Variants in GART observed in about 807,000 individuals in gnomAD.
GART encodes the protein trifunctional purine biosynthetic protein adenosine-3.
In GART, 43 loss-of-function variants were observed where a neutral mutation model predicts 107.2. That is an observed-to-expected ratio of 0.40 (90% CI 0.31 to 0.52). The LOEUF is 0.52. Among genes scored for constraint, GART ranks in the 20% least tolerant of loss-of-function variants. The pLI, the probability that GART is intolerant of heterozygous loss-of-function variation, is 0.52. For synonymous variants in GART, 434 were observed against 427.0 expected, an observed-to-expected ratio of 1.02 and a Z score of -0.20; for missense variants, 1,107 against 1,206.5, an observed-to-expected ratio of 0.92 and a Z score of 1.22.
Position 33,505,846 on chromosome 21 carries a change from A to C in GART, c.2583+128T>G. On this transcript the variant is annotated intron_variant, in intron 19 of 21. Transcript: ENST00000381815. ...TATTAAGAAAGGGACAGGATGAAGA[A>C]GGCAAGCCCAGCACCCACCCAAAAT... The C allele has an allele frequency of 3.6e-6, 5 of 1,408,302 alleles. No individual in the cohort carries two copies. The South Asian group carries it at 6.8e-5, about 19-fold the overall frequency. 87.2% of individuals were successfully genotyped at this position (1,408,302 alleles called of 1,614,324 possible).
upstream of GART, chr21:33,542,454 G>C (rs1383905034): frequency 6.5e-6 from 1 of 153,214 alleles, no homozygotes; most frequent in Non-Finnish European, 1.5e-5. Context: ...CCTGACTCCT[G>C]ATGAGACTAA....
chr21:33,527,878 C>A (rs898608906), intron 10 of GART, among the ~76,000 whole-genome samples: 15 of 151,994 alleles, frequency 9.9e-5, no homozygotes, highest in African/African-American at 3.4e-4. Context: ...CATTATTACC[C>A]TGGCTCTAGG....
chr21:33,530,195 A>T (rs2085157084), intron 7 of GART, among the ~76,000 whole-genome samples: 1 of 152,224 alleles, frequency 6.6e-6, no homozygotes, highest in African/African-American at 2.4e-5. Context: ...CGTCTCAAAA[A>T]ACAACAACAA....
chr21:33,506,143 ACTT>A (rs767266504), intron 18 of GART, 39 bp from the exon 19 acceptor site: 85 of 1,564,148 alleles, frequency 5.4e-5, no homozygotes, highest in Admixed American at 3.4e-4. Context: ...TCATACTACT[ACTT>A]CTTTTTTTTT....
chr21:33,540,520 T>A (rs1569040252), intron 1 of GART, among the ~76,000 whole-genome samples: 1 of 152,198 alleles, frequency 6.6e-6, no homozygotes, highest in Non-Finnish European at 1.5e-5. Context: ...AGAATATTGG[T>A]AGAGAAGGCA....
At chr21:33,524,689 T>C (rs545768645) in intron 11 of GART, 80 bp downstream of exon 11, 54 of 1,587,280 alleles carry the variant, frequency 3.4e-5, no homozygotes, top group East Asian at 1.1e-4. Flanking sequence ...GAATGACTTA[T>C]AGGGTTAATG....
At chr21:33,532,713 GGAA>G (rs1177395399) in intron 4 of GART, among the ~76,000 whole-genome samples, 2 of 152,072 alleles carry the variant, frequency 1.3e-5, no homozygotes, top group Non-Finnish European at 2.9e-5. Context: ...CAATATCTTT[GGAA>G]GAATAAGTAG....
intron 8 of GART, 112 bp downstream of exon 8, chr21:33,528,738 T>C (rs932246529): frequency 5.2e-6 from 5 of 964,104 alleles, no homozygotes; most frequent in African/African-American, 3.6e-5. Flanking sequence ...ATTTAAAAAA[T>C]GGTCCATTAA....
At chr21:33,535,144 G>A in intron 3 of GART, 81 bp downstream of exon 3, 1 of 846,672 alleles carries the variant, frequency 1.2e-6, no homozygotes. Context: ...ATTCTCATCT[G>A]TAAAATGAAT....
Position 33,525,010 on chromosome 21 carries a change from A to G in GART, c.1067-10T>C. On this transcript the variant is annotated splice_polypyrimidine_tract_variant and intron_variant, in intron 10 of 21. Transcript: ENST00000381815. ...TGAGCCTCAGGAAACCCTAGAAGAG[A>G]GCATATTTGACATATGATTTCAAAT... The G allele has an allele frequency of 6.2e-7, 1 of 1,607,504 alleles. No homozygotes were observed. Among genetic ancestry groups the G allele is most frequent in the Non-Finnish European group, 8.5e-7 (1 of 1,176,864 alleles).
At chr21:33,513,901 T>G (rs1224754204) in intron 16 of GART, among the ~76,000 whole-genome samples, 1 of 152,222 alleles carries the variant, frequency 6.6e-6, no homozygotes, top group African/African-American at 2.4e-5. Context: ...GAAAAAACAC[T>G]GGCAGACTAA....
At chr21:33,529,273 A>G (rs1043490725) in intron 7 of GART, among the ~76,000 whole-genome samples, 1 of 152,192 alleles carries the variant, frequency 6.6e-6, no homozygotes, top group African/African-American at 2.4e-5. Context: ...ATAAGTCTAT[A>G]TATGTAAGAT....
chr21:33,532,904 T>C (rs1330807619), intron 4 of GART, among the ~76,000 whole-genome samples: 1 of 151,966 alleles, frequency 6.6e-6, no homozygotes, highest in African/African-American at 2.4e-5. Flanking sequence ...CCAAAGTAAG[T>C]AACAAAACTG....
intron 16 of GART, among the ~76,000 whole-genome samples, chr21:33,515,946 A>G (rs975258948): frequency 1.3e-5 from 2 of 151,934 alleles, no homozygotes; most frequent in East Asian, 3.9e-4. Context: ...GACCAGTGTC[A>G]CGTTAAAATC....
chr21:33,526,672 A>G (rs759193922), intron 10 of GART, among the ~76,000 whole-genome samples: 3 of 152,166 alleles, frequency 2.0e-5, no homozygotes, highest in Non-Finnish European at 4.4e-5. Context: ...AACTTGGCTT[A>G]AATTAAGTTT....
chr21:33,514,593 G>C (rs2145696079), intron 16 of GART, among the ~76,000 whole-genome samples: 1 of 152,258 alleles, frequency 6.6e-6, no homozygotes, highest in Non-Finnish European at 1.5e-5. Context: ...AATCAGTCCT[G>C]CCTCCTTTCC....
intron 16 of GART, among the ~76,000 whole-genome samples, chr21:33,516,074 C>G (rs1306467756): frequency 6.6e-6 from 1 of 151,624 alleles, no homozygotes; most frequent in Non-Finnish European, 1.5e-5. Context: ...AAGGTGAAAC[C>G]CTGTCTCTAC....
At chr21:33,524,168 T>C in intron 11 of GART, 1 of 985,102 alleles carries the variant, frequency 1.0e-6, no homozygotes, top group Non-Finnish European at 1.2e-6. Flanking sequence ...ATTACAAAGT[T>C]AGATGACCAG....
chr21:33,512,724 G>A (rs1362422506), intron 16 of GART, among the ~76,000 whole-genome samples: 2 of 151,192 alleles, frequency 1.3e-5, no homozygotes, highest in Non-Finnish European at 2.9e-5. Flanking sequence ...GAGTAGCTGG[G>A]ACTACAGGCA....
Sources: allele counts gnomAD v4.1 joint callset (sites outside exome capture counted in the v4.1 genomes callset), GRCh38; gene constraint gnomAD v4.1.1; transcripts MANE v1.5; gene names NCBI Gene and HGNC (gene_info 2026-07-23, HGNC 2026-07-21).